Variants in C13orf46 observed in about 807,000 individuals in gnomAD.
The protein encoded by C13orf46 is chromosome 13 open reading frame 46, also known as uncharacterized protein C13orf46.
intron 6 of C13orf46, among the ~76,000 whole-genome samples, chr13:113,960,243 G>A (rs891505036): frequency 3.0e-5 from 4 of 134,224 alleles, no homozygotes; most frequent in Admixed American, 7.7e-5. Flanking sequence ...GCGACAGAGC[G>A]AGACTCTGTC....
the C13orf46 span, among the ~76,000 whole-genome samples, chr13:113,940,001 AGG>A: frequency 6.6e-6 from 1 of 152,198 alleles, no homozygotes; most frequent in Non-Finnish European, 1.5e-5. Flanking sequence ...GCTCTGACGC[AGG>A]GGGACCAGGA....
chr13:113,941,867 C>T, the C13orf46 span, among the ~76,000 whole-genome samples: 1 of 152,232 alleles, frequency 6.6e-6, no homozygotes, highest in Non-Finnish European at 1.5e-5. Flanking sequence ...CAGTTCCTGC[C>T]ACTGCTTTAC....
At chr13:113,948,480 C>T in the C13orf46 span, among the ~76,000 whole-genome samples, 62 of 152,216 alleles carry the variant, frequency 4.1e-4, no homozygotes, top group Non-Finnish European at 7.3e-5. Context: ...TGTGTGAGCA[C>T]ACCGAAGCCC....
chr13:113,928,731 T>C, the C13orf46 span: 2 of 152,436 alleles, frequency 1.3e-5, no homozygotes, highest in Non-Finnish European at 2.9e-5. Flanking sequence ...TGCCTTGTCA[T>C]GCTATAAACC....
rs1038793995 is a variant in C13orf46 at position 113,973,877 on chromosome 13, T to C, written c.121A>G (p.Arg41Gly). The change falls in exon 1 of 7, where the codon AGG becomes GGG. Residue 41 changes from arginine (R) to glycine (G), a missense_variant. Physicochemically the swap from Arg to Gly is moderately radical, Grantham distance 125. Coordinates refer to ENST00000636427, the MANE Select transcript of C13orf46 (RefSeq NM_001365455.2). ...TCGGGCTGCAGGCCTCCCAGACTCCTGCTTCGCTGAAGTTCAGAGGCCTCA... is the reference window on the plus strand; with the variant it reads ...TCGGGCTGCAGGCCTCCCAGACTCCCGCTTCGCTGAAGTTCAGAGGCCTCA... Reference protein sequence around the residue: ...ASEASELQRSRSLGGLQPEGD... With the variant: ...ASEASELQRSGSLGGLQPEGD... 6.6e-6 allele frequency: 1 copy of C among 152,330 alleles called. No individual in the cohort carries two copies. The highest frequency in any genetic ancestry group is 1.5e-5 in the Non-Finnish European group (1 of 68,116). The allele number at this position is 152,330 out of a possible 1,614,324, so 9.4% of individuals were successfully genotyped here.
At chr13:113,966,107 GATGATGGTGATGATGGTGATT>G (rs2052642864) in intron 5 of C13orf46, among the ~76,000 whole-genome samples, 1 of 59,906 alleles carries the variant, frequency 1.7e-5, no homozygotes, top group East Asian at 6.9e-4. Context: ...TGGTGATGAT[GATGATGGTGATGATGGTGATT>G]ATAATGGTGA....
intron 6 of C13orf46, among the ~76,000 whole-genome samples, chr13:113,964,388 TG>T (rs2052617216): frequency 6.6e-6 from 1 of 152,004 alleles, no homozygotes; most frequent in African/African-American, 2.4e-5. Context: ...GGGGCTTCCC[TG>T]GACCTACACA....
intron 6 of C13orf46, among the ~76,000 whole-genome samples, chr13:113,960,188 G>A (rs1038958018): frequency 2.0e-5 from 3 of 152,090 alleles, no homozygotes; most frequent in East Asian, 1.9e-4. Context: ...CCCAGGAGGC[G>A]GAGCTTGCAG....
chr13:113,932,130 G>A, the C13orf46 span, among the ~76,000 whole-genome samples: 5 of 152,308 alleles, frequency 3.3e-5, no homozygotes, highest in African/African-American at 1.2e-4. Flanking sequence ...AGTTGCATGG[G>A]TGTATCATAA....
In C13orf46 at chr13:113,965,740, ATGATGGTGATGATGG is replaced by A. The variant is rs1246223312; in HGVS notation, c.505-761_505-747del. On this transcript the variant is annotated intron_variant, in intron 5 of 6. Transcript: ENST00000636427. ...AATGGTGGTGATGATGGTGAAGGTG[ATGATGGTGATGATGG>A]TGATGGTGATGATGGTGATGGTGAT... 9.5e-4 allele frequency among the ~76,000 whole-genome samples: 68 copies of A among 71,914 alleles called. 1 individual carries two copies. Among genetic ancestry groups the A allele is most frequent in the Non-Finnish European group, 1.4e-3 (58 of 40,610 alleles). The allele number at this position is 71,914 out of a possible 152,430, so 47.2% of individuals were successfully genotyped here.
the C13orf46 span, among the ~76,000 whole-genome samples, chr13:113,930,029 C>T: frequency 1.3e-5 from 2 of 152,202 alleles, no homozygotes; most frequent in Non-Finnish European, 2.9e-5. Flanking sequence ...CGGCTCTGGA[C>T]GGATGTCTCT....
At chr13:113,963,480 A>G (rs1348035392) in intron 6 of C13orf46, among the ~76,000 whole-genome samples, 9 of 96,180 alleles carry the variant, frequency 9.4e-5, no homozygotes, top group African/African-American at 3.7e-4. Context: ...CCTCAGCCTC[A>G]GCCCGTCCTC....
At chr13:113,939,435 C>T in the C13orf46 span, among the ~76,000 whole-genome samples, 12 of 151,826 alleles carry the variant, frequency 7.9e-5, no homozygotes, top group Non-Finnish European at 1.3e-4. Flanking sequence ...ACGGGGAACA[C>T]GGGGATCACC....
At chr13:113,936,518 G>A in the C13orf46 span, among the ~76,000 whole-genome samples, 4 of 152,144 alleles carry the variant, frequency 2.6e-5, no homozygotes, top group Non-Finnish European at 4.4e-5. Context: ...AGCACAGCCC[G>A]AGGAGGGGGA....
intron 4 of C13orf46, among the ~76,000 whole-genome samples, chr13:113,968,254 G>A (rs1256766061): frequency 3.3e-5 from 5 of 152,170 alleles, no homozygotes; most frequent in African/African-American, 1.2e-4. Flanking sequence ...TTGGCAAGCA[G>A]GGGTCAGGCT....
chr13:113,927,987 C>G, the C13orf46 span: 1 of 211,930 alleles, frequency 4.7e-6, no homozygotes, highest in African/African-American at 2.3e-5. Flanking sequence ...TGCTGCCGAT[C>G]CTCTGCGGTA....
the C13orf46 span, among the ~76,000 whole-genome samples, chr13:113,931,950 C>G: frequency 2.0e-5 from 3 of 152,070 alleles, no homozygotes; most frequent in African/African-American, 7.2e-5. Context: ...CCTGCCCCGT[C>G]CCTCCACCCT....
chr13:113,939,322 G>A, the C13orf46 span, among the ~76,000 whole-genome samples: 1 of 152,146 alleles, frequency 6.6e-6, no homozygotes, highest in East Asian at 1.9e-4. Context: ...GAGCCAGAAG[G>A]GGACCACCCG....
intron 5 of C13orf46, among the ~76,000 whole-genome samples, chr13:113,966,428 T>C (rs2138989549): frequency 6.6e-6 from 1 of 151,128 alleles, no homozygotes; most frequent in East Asian, 2.0e-4. Context: ...GATGTGATAA[T>C]GATGGTGATG....
Sources: gnomAD v4.1 joint callset for allele counts (sites outside exome capture counted in the v4.1 genomes callset) on GRCh38, gnomAD v4.1.1 for gene constraint, MANE v1.5 for transcripts, NCBI Gene and HGNC (gene_info 2026-07-23, HGNC 2026-07-21) for gene names.